The following ZFYVE9 variants were observed in gnomAD, a reference collection of about 807,000 sequenced individuals.
ZFYVE9 encodes the protein zinc finger FYVE domain-containing protein 9.
ZFYVE9 carries 43 observed loss-of-function variants against 126.7 expected under a neutral mutation model. That is an observed-to-expected ratio of 0.34 (90% CI 0.27 to 0.44). The LOEUF (loss-of-function observed/expected upper bound fraction) is 0.44. ZFYVE9 is among the 20% of genes least tolerant of loss of function. The pLI, the probability that ZFYVE9 is intolerant of heterozygous loss-of-function variation, is 1.00. For missense variants in ZFYVE9, 1,476 were observed against 1,697.0 expected, an observed-to-expected ratio of 0.87 and a Z score of 2.29; for synonymous variants, 521 against 597.4, an observed-to-expected ratio of 0.87 and a Z score of 1.87.
intron 13 of ZFYVE9, among the ~76,000 whole-genome samples, chr1:52,324,623 CTGT>C (rs1464438405): frequency 3.3e-5 from 5 of 152,178 alleles, no homozygotes; most frequent in Admixed American, 1.3e-4. Flanking sequence ...CTCCATTTTC[CTGT>C]TGTTCTTTAT....
intron 13 of ZFYVE9, among the ~76,000 whole-genome samples, chr1:52,324,199 T>C (rs1646268688): frequency 6.6e-6 from 1 of 151,616 alleles, no homozygotes; most frequent in South Asian, 2.1e-4. Flanking sequence ...CAGTAAGCTA[T>C]GATTATGCCA....
At chr1:52,209,838 A>G (rs949816253) in intron 1 of ZFYVE9, among the ~76,000 whole-genome samples, 1 of 152,220 alleles carries the variant, frequency 6.6e-6, no homozygotes, top group Admixed American at 6.5e-5. Context: ...ATGTTATGGA[A>G]GTATGGACTT....
At position 52,293,532 on chromosome 1, in the gene ZFYVE9, T is replaced by C. The variant is rs771483143; in HGVS notation, c.3105T>C (p.Tyr1035=). Residue 1035 remains tyrosine, a synonymous_variant, in exon 11 of 19, where the codon TAT becomes TAC. Transcript: ENST00000287727. ...GTAAAGAACATGGTGGATTCTTATATGTGACATCTACCTACCAGTCACTGC... is the reference window on the plus strand; with the variant it reads ...GTAAAGAACATGGTGGATTCTTATACGTGACATCTACCTACCAGTCACTGC... ...LGSKEHGGFL[Y]VTSTYQSLQD... 1.2e-6 allele frequency: 2 copies of C among 1,614,056 alleles called. No individual in the cohort carries two copies. The highest frequency in any genetic ancestry group is 8.5e-7 in the Non-Finnish European group (1 of 1,180,038).
intron 1 of ZFYVE9, among the ~76,000 whole-genome samples, chr1:52,198,132 T>TG: frequency 7.2e-6 from 1 of 139,720 alleles, no homozygotes; most frequent in Admixed American, 7.3e-5. Flanking sequence ...TTGTTTTTTT[T>TG]TTTTTTTGAG....
At chr1:52,196,034 C>T (rs1008379249) in intron 1 of ZFYVE9, among the ~76,000 whole-genome samples, 3 of 151,996 alleles carry the variant, frequency 2.0e-5, no homozygotes, top group Non-Finnish European at 4.4e-5. Flanking sequence ...CCTCGTGATC[C>T]GCCTACCTTG....
intron 13 of ZFYVE9, among the ~76,000 whole-genome samples, chr1:52,314,722 A>T (rs893076398): frequency 6.6e-6 from 1 of 152,148 alleles, no homozygotes. Context: ...TGGGAGGCTA[A>T]GGCAGGAGAA....
At chr1:52,189,502 G>A (rs1644797504) in intron 1 of ZFYVE9, among the ~76,000 whole-genome samples, 1 of 151,980 alleles carries the variant, frequency 6.6e-6, no homozygotes, top group Non-Finnish European at 1.5e-5. Context: ...CTCCCAAAGT[G>A]CTGGAATTAC....
chr1:52,303,731 A>AT (rs1165499097), intron 12 of ZFYVE9, 90 bp from the exon 13 acceptor site: 1 of 763,090 alleles, frequency 1.3e-6, no homozygotes, highest in South Asian at 3.0e-5. Context: ...CAATATTGAC[A>AT]TTTTTTCCAT....
chr1:52,195,681 TG>T (rs1644853058), intron 1 of ZFYVE9, among the ~76,000 whole-genome samples: 1 of 152,048 alleles, frequency 6.6e-6, no homozygotes, highest in East Asian at 1.9e-4. Context: ...AGACACAGAG[TG>T]TTTTTTATTT....
chr1:52,257,369 G>C (rs1645531874), intron 4 of ZFYVE9, among the ~76,000 whole-genome samples: 1 of 152,136 alleles, frequency 6.6e-6, no homozygotes, highest in African/African-American at 2.4e-5. Flanking sequence ...AAGGTCATCT[G>C]ACTAGAGAAT....
intron 17 of ZFYVE9, among the ~76,000 whole-genome samples, chr1:52,341,495 A>G (rs1292224713): frequency 1.3e-5 from 2 of 152,218 alleles, no homozygotes; most frequent in Non-Finnish European, 2.9e-5. Flanking sequence ...AAAAAATAAA[A>G]TACGAAAAAA....
intron 1 of ZFYVE9, among the ~76,000 whole-genome samples, chr1:52,210,047 G>GA (rs1257003861): frequency 6.6e-6 from 1 of 152,162 alleles, no homozygotes; most frequent in Non-Finnish European, 1.5e-5. Flanking sequence ...GAGAGAAGTG[G>GA]ATGGATTTGA....
chr1:52,211,091 C>T (rs558463185), intron 1 of ZFYVE9, among the ~76,000 whole-genome samples: 50 of 152,292 alleles, frequency 3.3e-4, no homozygotes, highest in South Asian at 3.1e-3. Flanking sequence ...CGTGTGGTTT[C>T]TCTGGCATGG....
intron 1 of ZFYVE9, among the ~76,000 whole-genome samples, chr1:52,144,227 AAG>A (rs1327203546): frequency 6.6e-6 from 1 of 152,138 alleles, no homozygotes; most frequent in African/African-American, 2.4e-5. Flanking sequence ...GCTGAGGCAC[AAG>A]AATCATTTGA....
At chr1:52,163,106 C>CA (rs1343885170) in intron 1 of ZFYVE9, 2 of 211,628 alleles carry the variant, frequency 9.5e-6, no homozygotes, top group Non-Finnish European at 1.8e-5. Context: ...TTCCCCAATT[C>CA]AAACAATTCA....
At chr1:52,205,020 A>G (rs923616454) in intron 1 of ZFYVE9, among the ~76,000 whole-genome samples, 2 of 140,686 alleles carry the variant, frequency 1.4e-5, no homozygotes, top group Non-Finnish European at 3.1e-5. Context: ...CTTTTTTTGT[A>G]TTCACCTGTC....
intron 13 of ZFYVE9, among the ~76,000 whole-genome samples, chr1:52,315,903 C>T (rs1363923957): frequency 6.6e-6 from 1 of 152,164 alleles, no homozygotes; most frequent in Admixed American, 6.5e-5. Flanking sequence ...TGATGGCTCA[C>T]GCCTGTAATC....
chr1:52,150,123 G>A (rs1422092937), intron 1 of ZFYVE9: 1 of 152,182 alleles, frequency 6.6e-6, no homozygotes, highest in East Asian at 1.9e-4. Context: ...GGTGGCATGT[G>A]CGTCTAGTCT....
chr1:52,338,302 AC>A (rs1225056962), intron 16 of ZFYVE9, among the ~76,000 whole-genome samples: 1 of 152,218 alleles, frequency 6.6e-6, no homozygotes, highest in Non-Finnish European at 1.5e-5. Flanking sequence ...GTAAACAAGT[AC>A]CAAAAGGCTA....
Sources: gnomAD v4.1 joint callset for allele counts (sites outside exome capture counted in the v4.1 genomes callset) on GRCh38, gnomAD v4.1.1 for gene constraint, MANE v1.5 for transcripts, NCBI Gene and HGNC (gene_info 2026-07-23, HGNC 2026-07-21) for gene names.